Variants in ZNF185 observed in about 807,000 individuals in gnomAD.
ZNF185 encodes zinc finger protein 185 with LIM domain.
In ZNF185, 56 loss-of-function variants were observed where a neutral mutation model predicts 58.6. The observed-to-expected ratio is 0.95, with a 90% CI of 0.77 to 1.19. The LOEUF is 1.19. Among genes scored for constraint, ZNF185 ranks in the 50% most tolerant of loss-of-function variants. The pLI is 0.00. For synonymous variants in ZNF185, 230 were observed against 215.9 expected (o/e 1.07, Z -0.57); for missense variants, 627 against 573.5 (o/e 1.09, Z -0.95).
intron 16 of ZNF185, among the ~76,000 whole-genome samples, 184 bp from the exon 19 acceptor site, chrX:152,959,515 G>T (rs782012193): frequency 3.6e-5 from 4 of 112,060 alleles, no homozygotes; most frequent in African/African-American, 1.3e-4. Flanking sequence ...GCACTGCGGG[G>T]GTCCTACTGA....
intron 14 of ZNF185, among the ~76,000 whole-genome samples, chrX:152,937,154 C>T (rs926471509): frequency 1.7e-4 from 19 of 111,623 alleles, no homozygotes; most frequent in Non-Finnish European, 2.6e-4. Context: ...GGTAAGGATA[C>T]GTCATGCTCA....
upstream of ZNF185, among the ~76,000 whole-genome samples, chrX:152,909,599 C>T (rs1368605208): frequency 8.9e-6 from 1 of 112,655 alleles, no homozygotes; most frequent in Non-Finnish European, 1.9e-5. Flanking sequence ...GGTGCCACCG[C>T]CACTGCCACT....
At chrX:152,919,303 G>A in intron 7 of ZNF185, among the ~76,000 whole-genome samples, 1 of 104,835 alleles carries the variant, frequency 9.5e-6, no homozygotes, top group Non-Finnish European at 2.0e-5. Context: ...CTTCTGTGGG[G>A]TAGAACCTAG....
the ZNF185 span, among the ~76,000 whole-genome samples, chrX:152,904,537 T>C: frequency 1.8e-5 from 2 of 112,524 alleles, no homozygotes; most frequent in East Asian, 5.6e-4. Flanking sequence ...AAATGGAACG[T>C]TTCATCATTC....
intron 11 of ZNF185, among the ~76,000 whole-genome samples, chrX:152,926,923 T>C (rs782207667): frequency 2.7e-5 from 3 of 112,713 alleles, no homozygotes; most frequent in Non-Finnish European, 3.8e-5. Context: ...TCTTACCTTT[T>C]GTTGCCTGCA....
At chrX:152,963,762 C>T in intron 17 of ZNF185, 77 bp from the exon 20 acceptor site, 1 of 926,642 alleles carries the variant, frequency 1.1e-6, no homozygotes, top group Non-Finnish European at 1.5e-6. Context: ...AAGGGTTAGG[C>T]TCAGAAAAGC....
intron 13 of ZNF185, 29 bp from the exon 15 acceptor site, chrX:152,932,844 G>C: frequency 8.9e-7 from 1 of 1,120,731 alleles, no homozygotes; most frequent in African/African-American, 1.8e-5. Context: ...CGCAACTAGA[G>C]TCAGCAAATA....
At chrX:152,898,974 G>A in the ZNF185 span, among the ~76,000 whole-genome samples, 6 of 112,380 alleles carry the variant, frequency 5.3e-5, no homozygotes, top group African/African-American at 1.9e-4. Context: ...TGGGTACTCT[G>A]TCGGTTTAAG....
At chrX:152,963,232 T>C (rs782445249) in intron 17 of ZNF185, among the ~76,000 whole-genome samples, 20 of 113,107 alleles carry the variant, frequency 1.8e-4, no homozygotes, top group African/African-American at 6.1e-4. Context: ...AAAAGCCCTT[T>C]TGGGCTGCCG....
intron 16 of ZNF185, among the ~76,000 whole-genome samples, chrX:152,948,990 G>A (rs1447983393): frequency 1.8e-5 from 2 of 111,809 alleles, no homozygotes; most frequent in Non-Finnish European, 3.8e-5. Context: ...CCTGGACTAG[G>A]GGACTAGCTG....
intron 16 of ZNF185, among the ~76,000 whole-genome samples, chrX:152,949,406 G>A (rs782195850): frequency 1.6e-3 from 180 of 112,414 alleles, no homozygotes; most frequent in African/African-American, 5.6e-3. Context: ...ATGCTGGGGT[G>A]CGACTGTAGA....
chrX:152,963,908 T>C (rs1556912409), exon 18 of ZNF185: 1 of 1,211,794 alleles, frequency 8.3e-7, no homozygotes. Flanking sequence ...CTCACATTTA[T>C]ATTCCAGCCC....
intron 16 of ZNF185, among the ~76,000 whole-genome samples, chrX:152,958,605 A>AATT (rs1424431365): frequency 9.1e-6 from 1 of 109,631 alleles, no homozygotes; most frequent in Non-Finnish European, 1.9e-5. Flanking sequence ...AAATACAAAG[A>AATT]ATTAGCCACG....
chrX:152,959,538 C>A (rs2049248994), intron 16 of ZNF185, among the ~76,000 whole-genome samples, 161 bp from the exon 19 acceptor site: 1 of 112,237 alleles, frequency 8.9e-6, no homozygotes, highest in African/African-American at 3.2e-5. Flanking sequence ...AGGAGACTGA[C>A]TGCTCCTTGG....
chrX:152,966,767 C>T (rs1556914977), intron 19 of ZNF185, among the ~76,000 whole-genome samples: 1 of 111,801 alleles, frequency 8.9e-6, no homozygotes, highest in Non-Finnish European at 1.9e-5. Context: ...CCCGTCTGCA[C>T]CCCCTAATTC....
chrX:152,936,405 CCTT>C lies in ZNF185; in HGVS notation c.1122-1665_1122-1663del, dbSNP rs1556881734. 4.3e-6 allele frequency: 5 copies of C among 1,162,670 alleles called. No individual in the cohort carries two copies. The highest frequency in any genetic ancestry group is 1.8e-5 in the African/African-American group (1 of 56,174). On this transcript the variant is annotated intron_variant, in intron 14 of 22. Transcript: ENST00000449285. ...AGTCCTGAACCTGGACCAGGTCTGG[CCTT>C]CTTTCACAGGCTGTGTGCAGCTGCT...
intron 18 of ZNF185, among the ~76,000 whole-genome samples, chrX:152,964,286 G>A (rs782111924): frequency 7.1e-4 from 80 of 112,926 alleles, no homozygotes; most frequent in African/African-American, 2.2e-3. Context: ...GGGCATTCCT[G>A]TGTTACTGTA....
intron 15 of ZNF185, among the ~76,000 whole-genome samples, chrX:152,938,768 A>C (rs1208349932): frequency 1.2e-4 from 13 of 109,968 alleles, no homozygotes; most frequent in African/African-American, 4.3e-4. Context: ...AACAAAACCC[A>C]AAAGCCTGGA....
intron 12 of ZNF185, among the ~76,000 whole-genome samples, chrX:152,930,375 G>A (rs782631685): frequency 8.9e-6 from 1 of 112,261 alleles, no homozygotes; most frequent in Non-Finnish European, 1.9e-5. Flanking sequence ...AGATTTCCAC[G>A]TTATATGCAG....
Sources: gnomAD v4.1 joint callset for allele counts (sites outside exome capture counted in the v4.1 genomes callset) on GRCh38, gnomAD v4.1.1 for gene constraint, MANE v1.5 for transcripts, NCBI Gene and HGNC (gene_info 2026-07-23, HGNC 2026-07-21) for gene names.